NOB1: variants seen among roughly 807,000 people sequenced by gnomAD.
NOB1 encodes the protein NIN1 (RPN12) binding protein 1 homolog.
In NOB1, 44 loss-of-function variants were observed where a neutral mutation model predicts 44.8. That is an observed-to-expected ratio of 0.98 (90% CI 0.77 to 1.26). The LOEUF is 1.26. Ranked by LOEUF, NOB1 falls within the 50% of genes most tolerant of loss-of-function variation. The pLI is 0.00. For missense variants in NOB1, 560 were observed against 544.8 expected, an observed-to-expected ratio of 1.03 and a Z score of -0.28; for synonymous variants, 238 against 218.7, an observed-to-expected ratio of 1.09 and a Z score of -0.78.
chr16:69,745,657 C>T (rs2038424680), intron 7 of NOB1, among the ~76,000 whole-genome samples: 4 of 152,176 alleles, frequency 2.6e-5, no homozygotes, highest in Admixed American at 2.6e-4. Flanking sequence ...ACTCAAGCCC[C>T]GACAGTGGAC....
intron 8 of NOB1, 97 bp from the exon 9 acceptor site, chr16:69,742,698 G>T: frequency 7.8e-7 from 1 of 1,277,288 alleles, no homozygotes; most frequent in Non-Finnish European, 1.1e-6. Flanking sequence ...AGATCCTGGT[G>T]CAGGCAGATG....
chr16:69,743,997 A>G (rs1386718106), intron 8 of NOB1, among the ~76,000 whole-genome samples: 1 of 152,272 alleles, frequency 6.6e-6, no homozygotes, highest in Non-Finnish European at 1.5e-5. Flanking sequence ...GACGTGGTAC[A>G]TGATTAACCC....
Position 69,749,135 on chromosome 16 carries a change from C to A in NOB1, c.526-17G>T. 6.2e-7 allele frequency: 1 copy of A among 1,614,174 alleles called. No homozygotes were observed. The highest frequency in any genetic ancestry group is 8.5e-7 in the Non-Finnish European group (1 of 1,179,994). On this transcript the variant is annotated splice_polypyrimidine_tract_variant and intron_variant, in intron 5 of 8. Coordinates refer to ENST00000268802, the MANE Select transcript of NOB1 (RefSeq NM_014062.3). ...TCTGTCAATCTGAAACATCAACAGA[C>A]CTTTCAAACTCCCAACCCACAGGAG...
At chr16:69,750,135 C>T (rs918249631) in intron 3 of NOB1, among the ~76,000 whole-genome samples, 1 of 151,254 alleles carries the variant, frequency 6.6e-6, no homozygotes, top group South Asian at 2.1e-4. Flanking sequence ...TCCCAAGTAG[C>T]TGGGATTACA....
rs548183878 is a variant in NOB1 at position 69,742,596 on chromosome 16, C to G, written c.975G>C (p.Ser325=). 1.1e-5 allele frequency: 18 copies of G among 1,613,752 alleles called. No homozygotes were observed. Among genetic ancestry groups the G allele is most frequent in the African/African-American group, 1.3e-5 (1 of 74,936 alleles). The change falls in exon 9 of 9, where the codon TCG becomes TCC. Residue 325 remains serine, a synonymous_variant. Transcript: ENST00000268802. The part of the protein sequence containing the change: ...KVLNPRGLRY[S]LPTPKGGKYA... ...ATTTGCCCCCTTTGGGAGTGGGAAG[C>G]GAGTACTGGAAATAAGACAAGGAAG...
intron 7 of NOB1, among the ~76,000 whole-genome samples, chr16:69,745,367 G>T (rs1249794160): frequency 6.6e-6 from 1 of 152,172 alleles, no homozygotes; most frequent in Non-Finnish European, 1.5e-5. Context: ...GGAAACTGAG[G>T]CAAGTTAAGG....
At chr16:69,754,503 T>C (rs551316689) in intron 2 of NOB1, 91 bp downstream of exon 2, 2 of 1,527,148 alleles carry the variant, frequency 1.3e-6, no homozygotes, top group East Asian at 4.5e-5. Flanking sequence ...ACTGCTCTGA[T>C]AAGGCAGCTA....
intron 6 of NOB1, 99 bp downstream of exon 6, chr16:69,748,819 G>C: frequency 2.7e-6 from 3 of 1,123,982 alleles, no homozygotes; most frequent in Non-Finnish European, 3.7e-6. Flanking sequence ...ACCAGGAAAA[G>C]AAGCGCTGCA....
Position 69,749,588 on chromosome 16 carries a change from G to A in NOB1, c.370C>T (p.His124Tyr), listed in dbSNP as rs999336748. The A allele has an allele frequency of 3.7e-6, 6 of 1,613,444 alleles. No individual in the cohort carries two copies. The highest frequency in any genetic ancestry group is 5.1e-6 in the Non-Finnish European group (6 of 1,179,828). The change falls in exon 4 of 9, where the codon CAC (histidine) becomes TAC (tyrosine). Residue 124 changes from histidine to tyrosine, a missense_variant. Physicochemically the swap from His to Tyr is moderately conservative, Grantham distance 83. Coordinates refer to ENST00000268802, the MANE Select transcript of NOB1 (RefSeq NM_014062.3). ...SSIQHPETPL[H>Y]ISGFHLPYKP... ...TAGGGCAGATGGAAACCAGAAATGT[G>A]CAGAGGTGTTTCTGGGTGCTGAATC...
At chr16:69,747,879 C>T (rs1288680281) in intron 7 of NOB1, among the ~76,000 whole-genome samples, 1 of 152,100 alleles carries the variant, frequency 6.6e-6, no homozygotes, top group Admixed American at 6.6e-5. Context: ...GAATAGTGGC[C>T]AGGCGTGGTG....
chr16:69,747,396 GA>G (rs1057505340), intron 7 of NOB1, among the ~76,000 whole-genome samples: 18 of 152,168 alleles, frequency 1.2e-4, no homozygotes, highest in African/African-American at 3.1e-4. Flanking sequence ...GAAGCACAAA[GA>G]AGTGAATCAG....
At position 69,742,086 on chromosome 16, in the gene NOB1, G is replaced by T; in HGVS notation, c.*246C>A. 1 of 463,694 alleles carries T rather than the reference G, an allele frequency of 2.2e-6. No individual in the cohort carries two copies. Among genetic ancestry groups the T allele is most frequent in the Non-Finnish European group, 3.8e-6 (1 of 260,328 alleles). 28.7% of individuals were successfully genotyped at this position (463,694 alleles called of 1,614,324 possible). On this transcript the variant is annotated 3_prime_UTR_variant, in exon 9 of 9. Coordinates refer to ENST00000268802, the MANE Select transcript of NOB1 (RefSeq NM_014062.3). ...CTTTCTTGAAGATTGGCTCCAGGGC[G>T]TTGTTCTTTCTGTTTTTATGCAATT...
In NOB1 at chr16:69,745,004, T is replaced by C. The variant is rs751491953; in HGVS notation, c.838A>G (p.Met280Val). 2 of 1,614,144 alleles carry C rather than the reference T, an allele frequency of 1.2e-6. No individual in the cohort carries two copies. The highest frequency in any genetic ancestry group is 1.3e-5 in the African/African-American group (1 of 75,034). ...CAGTGTGAGCAGAACACTCGGCTCA[T>C]GTCAGACGTTGTCCTGGGAGACACA... ...CHGCFKTTSD[M>V]SRVFCSHCGN... Residue 280 changes from methionine to valine, a missense_variant, in exon 8 of 9, where the codon ATG becomes GTG. Transcript: ENST00000268802.
intron 7 of NOB1, 109 bp downstream of exon 7, chr16:69,748,123 C>G: frequency 1.3e-6 from 1 of 747,768 alleles, no homozygotes; most frequent in South Asian, 1.8e-5. Flanking sequence ...TGAGATTGTA[C>G]CACTGCACTC....
At chr16:69,743,653 C>CG (rs71151131) in intron 8 of NOB1, among the ~76,000 whole-genome samples, 90,045 of 152,032 alleles carry the variant, frequency 0.59, 27,469 homozygotes, top group Non-Finnish European at 0.66. Context: ...TCATACTCTT[C>CG]AAAAGTGTCA....
In NOB1 at chr16:69,749,131, C is replaced by G; in HGVS notation, c.526-13G>C. 6.2e-7 allele frequency: 1 copy of G among 1,614,224 alleles called. No homozygotes were observed. Among genetic ancestry groups the G allele is most frequent in the African/African-American group, 1.3e-5 (1 of 75,070 alleles). ...CACCTCTGTCAATCTGAAACATCAA[C>G]AGACCTTTCAAACTCCCAACCCACA... On this transcript the variant is annotated splice_polypyrimidine_tract_variant and intron_variant, in intron 5 of 8. Coordinates refer to ENST00000268802, the MANE Select transcript of NOB1 (RefSeq NM_014062.3).
intron 3 of NOB1, among the ~76,000 whole-genome samples, chr16:69,750,489 T>C (rs1392061728): frequency 1.3e-5 from 2 of 151,820 alleles, no homozygotes; most frequent in African/African-American, 2.4e-5. Flanking sequence ...TAGCCAGGCA[T>C]GGTGGTGTAC....
At chr16:69,744,025 G>A (rs373574823) in intron 8 of NOB1, among the ~76,000 whole-genome samples, 4 of 152,200 alleles carry the variant, frequency 2.6e-5, no homozygotes, top group Admixed American at 2.0e-4. Context: ...TCCAGGTGAC[G>A]GGTAAACAGG....
intron 3 of NOB1, among the ~76,000 whole-genome samples, chr16:69,751,098 C>CT (rs1198597479): frequency 6.6e-6 from 1 of 152,064 alleles, no homozygotes; most frequent in Non-Finnish European, 1.5e-5. Flanking sequence ...AGAAAGCTCT[C>CT]TTTTTTTCAG....
Sources: gnomAD v4.1 joint callset for allele counts (sites outside exome capture counted in the v4.1 genomes callset) on GRCh38, gnomAD v4.1.1 for gene constraint, MANE v1.5 for transcripts, NCBI Gene and HGNC (gene_info 2026-07-23, HGNC 2026-07-21) for gene names.